The following MEX3A variants were observed in gnomAD, a reference collection of about 807,000 sequenced individuals.
MEX3A encodes mex-3 RNA binding family member A, also known as RNA-binding protein MEX3A.
MEX3A carries 4 observed loss-of-function variants against 30.0 expected under a neutral mutation model. The ratio of observed to expected loss-of-function variants is 0.13; its 90% CI spans 0.07 to 0.30. The LOEUF (loss-of-function observed/expected upper bound fraction) is 0.30, where lower values mean the gene tolerates loss of function less well. Among genes scored for constraint, MEX3A ranks in the 10% least tolerant of loss-of-function variants. The pLI is 1.00. For missense variants in MEX3A, 555 were observed against 736.7 expected, an observed-to-expected ratio of 0.75 and a Z score of 2.86; for synonymous variants, 335 against 327.6, an observed-to-expected ratio of 1.02 and a Z score of -0.24.
Position 156,081,725 on chromosome 1 carries a change from G to GAC in MEX3A, c.273_274insGT (p.Pro92ValfsTer36). ...GTCTGCGCTGCGGGGGCCGCCGTCG[G>GAC]GGCGGCCGGGGGCGCCGCGGGCGGC... is the stretch of plus-strand genomic sequence containing the variant. On this transcript the variant is annotated frameshift_variant, in exon 1 of 2. Transcript: ENST00000532414. LOFTEE classifies it high-confidence loss of function. The GAC allele has an allele frequency of 1.1e-6, 1 of 942,104 alleles. No individual in the cohort carries two copies. The highest frequency in any genetic ancestry group is 1.3e-6 in the Non-Finnish European group (1 of 778,574). 58.4% of individuals were successfully genotyped at this position (942,104 alleles called of 1,614,324 possible). A position where few individuals can be genotyped will look rare whatever the true frequency, so the allele number is the denominator to read the frequency against.
rs1202283359 is a variant in MEX3A, at chr1:156,082,397, C to T, written c.-399G>A. Among the ~76,000 whole-genome samples, 1 of 152,180 alleles carries T rather than the reference C, an allele frequency of 6.6e-6. No homozygotes were observed. Among genetic ancestry groups the T allele is most frequent in the Non-Finnish European group, 1.5e-5 (1 of 68,010 alleles). The stretch of plus-strand genomic sequence containing the variant: ...GCCCCCGTTAGGCTCCCGCACCGAG[C>T]CCCAGTCCGGGAGCGGCGCTCAGTG... On this transcript the variant is annotated 5_prime_UTR_variant, in exon 1 of 2. Coordinates refer to ENST00000532414, the MANE Select transcript of MEX3A (RefSeq NM_001093725.2).
At chr1:156,081,430 T>G (rs1157871695) in intron 1 of MEX3A, 115 bp downstream of exon 1, 20 of 892,360 alleles carry the variant, frequency 2.2e-5, no homozygotes, top group Non-Finnish European at 3.1e-5. Context: ...GGTCCCCCTT[T>G]GTGGGGAAGG....
At position 156,079,373 on chromosome 1, in the gene MEX3A, C is replaced by T. The variant is rs376993612; in HGVS notation, c.455-1691G>A. ...GGATCACAGGCACCTGCCACCACGC[C>T]CAGCTAATTTTTTGTATTTTTTAGT... is the stretch of plus-strand genomic sequence containing the variant. On this transcript the variant is annotated intron_variant, in intron 1 of 1. Coordinates refer to ENST00000532414, the MANE Select transcript of MEX3A (RefSeq NM_001093725.2). Among the ~76,000 whole-genome samples the T allele has an allele frequency of 3.3e-5, 5 of 152,022 alleles. No homozygotes were observed. In the South Asian group the frequency reaches 1.0e-3, roughly 32 times the overall value.
rs1423345843 is a variant in MEX3A, at chr1:156,074,851, T to G, written c.*1723A>C. Reference sequence around the variant, plus strand: ...GGGAAGGCTGTGGAGAGGTGTTAATTCTCGACAGGAGGAAGGAGAGGAGGA... The same window carrying G: ...GGGAAGGCTGTGGAGAGGTGTTAATGCTCGACAGGAGGAAGGAGAGGAGGA... On this transcript the variant is annotated 3_prime_UTR_variant, in exon 2 of 2. Transcript: ENST00000532414. 1 of 152,668 alleles carries G rather than the reference T, an allele frequency of 6.6e-6. No individual in the cohort carries two copies. The highest frequency in any genetic ancestry group is 1.9e-4 in the East Asian group (1 of 5,316). 9.5% of individuals were successfully genotyped at this position (152,668 alleles called of 1,614,324 possible). A position where few individuals can be genotyped will look rare whatever the true frequency, so the allele number is the denominator to read the frequency against.
At position 156,073,527 on chromosome 1, in the gene MEX3A, A is replaced by T. The variant is rs557771899; in HGVS notation, c.*3047T>A. 6.6e-6 allele frequency: 1 copy of T among 152,644 alleles called. No homozygotes were observed. The highest frequency in any genetic ancestry group is 1.5e-5 in the Non-Finnish European group (1 of 68,022). 9.5% of individuals were successfully genotyped at this position (152,644 alleles called of 1,614,324 possible). ...TATTTATCTTTTCCTTACAACTTTTATACATTCTACTGGACCCAGGGGCCC... is the reference window on the plus strand; with the variant it reads ...TATTTATCTTTTCCTTACAACTTTTTTACATTCTACTGGACCCAGGGGCCC... On this transcript the variant is annotated 3_prime_UTR_variant, in exon 2 of 2. Transcript: ENST00000532414.
Position 156,076,908 on chromosome 1 carries a change from G to C in MEX3A, c.1229C>G (p.Ser410Cys). 1 of 1,573,700 alleles carries C rather than the reference G, an allele frequency of 6.4e-7. No individual in the cohort carries two copies. Among genetic ancestry groups the C allele is most frequent in the Non-Finnish European group, 8.6e-7 (1 of 1,159,928 alleles). Residue 410 changes from serine to cysteine, a missense_variant, in exon 2 of 2, where the codon TCC (serine) becomes TGC (cysteine). Transcript: ENST00000532414. This position sits in a 1 kb window ranked among gnomAD's most constrained non-coding sequence, Gnocchi z 6.0. ...PTSVLFSSAS[S>C]SSSSSAKARA... ...GGCCTTGGCGGAAGAGGAGGAGGAG[G>C]AGGAGGCAGAGGAGAAGAGCACGGA...
At position 156,076,432 on chromosome 1, in the gene MEX3A, C is replaced by T; in HGVS notation, c.*142G>A. The T allele has an allele frequency of 1.1e-6, 1 of 882,444 alleles. No individual in the cohort carries two copies. Among genetic ancestry groups the T allele is most frequent in the Non-Finnish European group, 1.7e-6 (1 of 598,776 alleles). 54.7% of individuals were successfully genotyped at this position (882,444 alleles called of 1,614,324 possible). ...AAAGTGGCGCACCCTCCAGCCACCA[C>T]TGCCTCCCTCCCCCCTTCCCCAGCG... On this transcript the variant is annotated 3_prime_UTR_variant, in exon 2 of 2. Coordinates refer to ENST00000532414, the MANE Select transcript of MEX3A (RefSeq NM_001093725.2). This position sits in a 1 kb window ranked among gnomAD's most constrained non-coding sequence, Gnocchi z 6.0.
chr1:156,081,767 G>T lies in MEX3A; in HGVS notation c.232C>A (p.Gln78Lys). 2 of 800,794 alleles carry T rather than the reference G, an allele frequency of 2.5e-6. No individual in the cohort carries two copies. Among genetic ancestry groups the T allele is most frequent in the Non-Finnish European group, 3.0e-6 (2 of 661,238 alleles). 49.6% of individuals were successfully genotyped at this position (800,794 alleles called of 1,614,324 possible). A position where few individuals can be genotyped will look rare whatever the true frequency, so the allele number is the denominator to read the frequency against. ...GCGGGCGGCGGCGGCGGGGCCGGCT[G>T]CGGGGGGGCGGCCGGCTGCGCGGGG... is the stretch of plus-strand genomic sequence containing the variant. ...GAPAQPAAPP[Q>K]PAPPPPPAAP... Residue 78 changes from glutamine (Q) to lysine (K), a missense_variant, in exon 1 of 2, where the codon CAG becomes AAG. Physicochemically the swap from Gln to Lys is moderately conservative, Grantham distance 53. Around this residue, in one of 6 missense-constraint regions of MEX3A, gnomAD observed 159 missense variants for 159.9 expected, o/e 0.99. Coordinates refer to ENST00000532414, the MANE Select transcript of MEX3A (RefSeq NM_001093725.2).
intron 1 of MEX3A, among the ~76,000 whole-genome samples, chr1:156,080,525 G>C (rs1292136978): frequency 6.7e-6 from 1 of 149,896 alleles, no homozygotes; most frequent in Non-Finnish European, 1.5e-5. Context: ...CCCCAGCCCA[G>C]CCTCTTTGCA....
In MEX3A at chr1:156,074,773, G is replaced by C. The variant is rs951107092; in HGVS notation, c.*1801C>G. ...GAAGGAGGGAAGTCGTCACAGGGCA[G>C]TTTTCTTGGCTGTGACCTCCTTCCC... is the stretch of plus-strand genomic sequence containing the variant. On this transcript the variant is annotated 3_prime_UTR_variant, in exon 2 of 2. Transcript: ENST00000532414. 1.3e-5 allele frequency: 2 copies of C among 152,634 alleles called. No homozygotes were observed. Among genetic ancestry groups the C allele is most frequent in the African/African-American group, 2.4e-5 (1 of 41,426 alleles). The allele number at this position is 152,634 out of a possible 1,614,324, so 9.5% of individuals were successfully genotyped here.
Position 156,077,117 on chromosome 1 carries a change from G to A in MEX3A, c.1020C>T (p.Gly340=), listed in dbSNP as rs1349550156. ...AGTCCACTCCGCACTCGCCGATGCA[G>A]CCCAGGCTGTTCTGCCGGAAGGTGG... ...PLSTFRQNSL[G]CIGECGVDSG... The change falls in exon 2 of 2, where the codon GGC becomes GGT. Residue 340 remains glycine (G), a synonymous_variant. Coordinates refer to ENST00000532414, the MANE Select transcript of MEX3A (RefSeq NM_001093725.2). The surrounding 1 kb of genome is among the most constrained non-coding windows in gnomAD (Gnocchi z 8.3). 3.7e-6 allele frequency: 6 copies of A among 1,613,840 alleles called. No homozygotes were observed. Among genetic ancestry groups the A allele is most frequent in the East Asian group, 2.2e-5 (1 of 44,866 alleles).
chr1:156,081,029 C>T (rs949898597), intron 1 of MEX3A, among the ~76,000 whole-genome samples: 1 of 152,276 alleles, frequency 6.6e-6, no homozygotes, highest in East Asian at 1.9e-4. Flanking sequence ...GGGACCCTCC[C>T]CTGGGCCACA....
At chr1:156,079,527 CT>C (rs1227781737) in intron 1 of MEX3A, among the ~76,000 whole-genome samples, 6 of 152,162 alleles carry the variant, frequency 3.9e-5, no homozygotes, top group African/African-American at 1.4e-4. Flanking sequence ...CCTCCCCTCA[CT>C]TTTAAAAGAC....
Position 156,077,798 on chromosome 1 carries a change from C to A in MEX3A, c.455-116G>T. The A allele has an allele frequency of 7.1e-7, 1 of 1,418,152 alleles. No individual in the cohort carries two copies. Among genetic ancestry groups the A allele is most frequent in the Non-Finnish European group, 9.2e-7 (1 of 1,081,194 alleles). The allele number at this position is 1,418,152 out of a possible 1,614,324, so 87.8% of individuals were successfully genotyped here. A position where few individuals can be genotyped will look rare whatever the true frequency, so the allele number is the denominator to read the frequency against. ...CCTAGCCTCCCAGGAACACTTCAGT[C>A]TACCCTTTGAAATGCCCACTGCTGC... On this transcript the variant is annotated intron_variant, in intron 1 of 1. Transcript: ENST00000532414. The surrounding 1 kb of genome is among the most constrained non-coding windows in gnomAD (Gnocchi z 8.3).
Position 156,081,601 on chromosome 1 carries a change from G to C in MEX3A, c.398C>G (p.Thr133Arg). Residue 133 changes from threonine (T) to arginine (R), a missense_variant, in exon 1 of 2, where the codon ACG (threonine) becomes AGG (arginine). Coordinates refer to ENST00000532414, the MANE Select transcript of MEX3A (RefSeq NM_001093725.2). Reference sequence around the variant, plus strand: ...GGAGGTGGGCACGGGAACACACTCCGTGGTGTTGCTGCTGCCCTTCAGGCG... The same window carrying C: ...GGAGGTGGGCACGGGAACACACTCCCTGGTGTTGCTGCTGCCCTTCAGGCG... Reference protein sequence around the residue: ...ELRLKGSSNTTECVPVPTSEH... With the variant: ...ELRLKGSSNTRECVPVPTSEH... The C allele has an allele frequency of 6.3e-7, 1 of 1,588,928 alleles. No homozygotes were observed.
intron 1 of MEX3A, among the ~76,000 whole-genome samples, chr1:156,080,061 T>C (rs1362841725): frequency 6.6e-6 from 1 of 152,026 alleles, no homozygotes; most frequent in Non-Finnish European, 1.5e-5. Context: ...TGAATAAAAA[T>C]CCCCTTACTT....
chr1:156,078,113 C>A (rs990483613), intron 1 of MEX3A, among the ~76,000 whole-genome samples: 2 of 152,188 alleles, frequency 1.3e-5, no homozygotes, highest in Non-Finnish European at 2.9e-5. Flanking sequence ...AATCACCCCC[C>A]ACATCTGTCA....
Position 156,076,835 on chromosome 1 carries a change from T to A in MEX3A, c.1302A>T (p.Gly434=). Residue 434 remains glycine (G), a synonymous_variant, in exon 2 of 2, where the codon GGA becomes GGT. Transcript: ENST00000532414. This position sits in a 1 kb window ranked among gnomAD's most constrained non-coding sequence, Gnocchi z 6.0. ...GCCTCGGGAGTCCGGCCAGCTCGGG[T>A]CCCGCGGAAGTGGCAGGGGAGCGGT... ...GAHRSPATSA[G]PELAGLPRRP... The A allele has an allele frequency of 6.5e-7, 1 of 1,547,866 alleles. No homozygotes were observed. Among genetic ancestry groups the A allele is most frequent in the Non-Finnish European group, 8.7e-7 (1 of 1,145,834 alleles).
At chr1:156,080,454 C>T (rs1327236854) in intron 1 of MEX3A, among the ~76,000 whole-genome samples, 1 of 152,104 alleles carries the variant, frequency 6.6e-6, no homozygotes, top group Non-Finnish European at 1.5e-5. Context: ...GCACTCCCAG[C>T]CGGAATGCAG....
Sources: allele counts gnomAD v4.1 joint callset (sites outside exome capture counted in the v4.1 genomes callset), GRCh38; gene constraint gnomAD v4.1.1; regional missense constraint gnomAD v4.1.1; non-coding constraint Gnocchi (gnomAD v3.1); transcripts MANE v1.5; gene names NCBI Gene and HGNC (gene_info 2026-07-23, HGNC 2026-07-21).